ACACB: variants seen among roughly 807,000 people sequenced by gnomAD.
ACACB encodes the protein acetyl-CoA carboxylase 2.
ACACB carries 209 observed loss-of-function variants against 278.8 expected under a neutral mutation model. The ratio of observed to expected loss-of-function variants is 0.75; its 90% CI spans 0.67 to 0.84. ACACB has a LOEUF of 0.84. Ranked by LOEUF, ACACB falls within the 40% of genes least tolerant of loss-of-function variation. The pLI is 0.00. For missense variants in ACACB, 2,850 were observed against 3,269.0 expected (o/e 0.87, Z 3.13); for synonymous variants, 1,174 against 1,285.6 (o/e 0.91, Z 1.86).
chr12:109,181,489 A>T (rs901064497), intron 11 of ACACB, among the ~76,000 whole-genome samples: 2 of 151,924 alleles, frequency 1.3e-5, no homozygotes, highest in African/African-American at 4.8e-5. Flanking sequence ...CAACTTCCCA[A>T]AGTGCTAGGA....
intron 16 of ACACB, among the ~76,000 whole-genome samples, chr12:109,195,994 T>C (rs1312473783): frequency 6.6e-6 from 1 of 152,246 alleles, no homozygotes; most frequent in Non-Finnish European, 1.5e-5. Flanking sequence ...GGCTTGCTAA[T>C]TTTGTTCTAA....
intron 41 of ACACB, among the ~76,000 whole-genome samples, chr12:109,251,329 A>G (rs994744155): frequency 6.6e-6 from 1 of 152,192 alleles, no homozygotes; most frequent in Non-Finnish European, 1.5e-5. Flanking sequence ...TGCCCTGCTC[A>G]TGTCTGCTTA....
chr12:109,261,880 C>CA lies in ACACB; in HGVS notation c.6675-462dup, dbSNP rs757106164. ...AGTGAGACCCTGTCTAAAAAAAAAACAAAAAAAAAAAAAAAGAAAGAAAAG... is the reference window on the plus strand; with the variant it reads ...AGTGAGACCCTGTCTAAAAAAAAAACAAAAAAAAAAAAAAAAGAAAGAAAAG... On this transcript the variant is annotated intron_variant, in intron 48 of 52. Coordinates refer to ENST00000338432, the MANE Select transcript of ACACB (RefSeq NM_001093.4). Among the ~76,000 whole-genome samples, 323 of 86,010 alleles carry CA rather than the reference C, an allele frequency of 3.8e-3. 2 individuals carry two copies. Among genetic ancestry groups the CA allele is most frequent in the South Asian group, 0.01 (27 of 2,604 alleles). The allele number at this position is 86,010 out of a possible 152,430, so 56.4% of individuals were successfully genotyped here.
At chr12:109,178,336 A>T (rs749056543) in intron 9 of ACACB, among the ~76,000 whole-genome samples, 1 of 152,252 alleles carries the variant, frequency 6.6e-6, no homozygotes, top group Non-Finnish European at 1.5e-5. Flanking sequence ...AACAGGATGA[A>T]GTAAGTTTGT....
At chr12:109,126,211 G>T (rs1176341589) in intron 1 of ACACB, among the ~76,000 whole-genome samples, 1 of 152,206 alleles carries the variant, frequency 6.6e-6, no homozygotes, top group African/African-American at 2.4e-5. Flanking sequence ...AGCAATTTCT[G>T]CAGGGATAAT....
At chr12:109,163,304 G>A (rs1041140397) in intron 2 of ACACB, among the ~76,000 whole-genome samples, 3 of 152,302 alleles carry the variant, frequency 2.0e-5, no homozygotes, top group East Asian at 1.9e-4. Flanking sequence ...AAACCACGCT[G>A]GAGAAGAGAA....
intron 2 of ACACB, 88 bp downstream of exon 2, chr12:109,140,146 C>G: frequency 7.2e-7 from 1 of 1,391,740 alleles, no homozygotes; most frequent in Admixed American, 2.6e-5. Flanking sequence ...CTTGATCAAG[C>G]TGTTTGCTGA....
intron 41 of ACACB, among the ~76,000 whole-genome samples, chr12:109,250,919 C>T (rs191564220): frequency 6.7e-4 from 102 of 152,298 alleles, no homozygotes; most frequent in African/African-American, 2.4e-3. Context: ...TATGCATTGG[C>T]ATGATTCCAG....
At chr12:109,174,940 T>A (rs2044237619) in intron 7 of ACACB, among the ~76,000 whole-genome samples, 1 of 152,194 alleles carries the variant, frequency 6.6e-6, no homozygotes, top group Non-Finnish European at 1.5e-5. Context: ...TATCTTTCTA[T>A]GTAAAAAATA....
intron 2 of ACACB, among the ~76,000 whole-genome samples, chr12:109,150,099 G>A (rs1260716233): frequency 1.3e-5 from 2 of 152,196 alleles, no homozygotes; most frequent in African/African-American, 2.4e-5. Context: ...AGCACCCATG[G>A]TGCGATCATG....
chr12:109,144,652 G>C (rs891451488), intron 2 of ACACB, among the ~76,000 whole-genome samples: 3 of 152,096 alleles, frequency 2.0e-5, no homozygotes, highest in Admixed American at 6.6e-5. Flanking sequence ...GCTGAGCAGA[G>C]AGGAGCTTGG....
intron 2 of ACACB, among the ~76,000 whole-genome samples, chr12:109,148,588 C>T (rs996026409): frequency 3.2e-4 from 48 of 152,254 alleles, no homozygotes; most frequent in East Asian, 9.6e-4. Context: ...AATTATTTAT[C>T]CTATTCTGCT....
At chr12:109,255,077 T>C (rs964972682) in intron 44 of ACACB, among the ~76,000 whole-genome samples, 6 of 151,812 alleles carry the variant, frequency 4.0e-5, no homozygotes, top group Admixed American at 3.9e-4. Flanking sequence ...GCCTGGCCAA[T>C]TTTACCTCTT....
intron 10 of ACACB, chr12:109,179,507 G>A: frequency 1.6e-6 from 1 of 625,234 alleles, no homozygotes; most frequent in Non-Finnish European, 2.8e-6. Flanking sequence ...TCTTTTTTGA[G>A]ACAGAGTCTC....
Position 109,223,894 on chromosome 12 carries a change from C to A in ACACB, c.3872C>A (p.Ala1291Glu), listed in dbSNP as rs1248897552. 6.2e-7 allele frequency: 1 copy of A among 1,613,978 alleles called. No homozygotes were observed. The highest frequency in any genetic ancestry group is 8.5e-7 in the Non-Finnish European group (1 of 1,179,860). Reference sequence around the variant, plus strand: ...CACGCAAACAAAGTCGTGTGCATGGCGTCCTTGGAGGTAAGCAGGAGAGGC... The same window carrying A: ...CACGCAAACAAAGTCGTGTGCATGGAGTCCTTGGAGGTAAGCAGGAGAGGC... The part of the protein sequence containing the change: ...FYHANKVVCM[A>E]SLEVYVRRGY... The change falls in exon 27 of 53, where the codon GCG becomes GAG. Residue 1291 changes from alanine (A) to glutamate (E), a missense_variant. Coordinates refer to ENST00000338432, the MANE Select transcript of ACACB (RefSeq NM_001093.4).
chr12:109,202,761 T>C (rs1214632152), intron 19 of ACACB, among the ~76,000 whole-genome samples: 2 of 152,340 alleles, frequency 1.3e-5, no homozygotes, highest in African/African-American at 4.8e-5. Flanking sequence ...AATTTAACTA[T>C]TATTGCAATA....
At chr12:109,115,162 G>C (rs945662828), upstream of ACACB, among the ~76,000 whole-genome samples, 5 of 152,184 alleles carry the variant, frequency 3.3e-5, no homozygotes, top group Non-Finnish European at 5.9e-5. Flanking sequence ...AAGCCCCTGT[G>C]CCAGAAACTC....
intron 13 of ACACB, among the ~76,000 whole-genome samples, chr12:109,191,159 C>A (rs577274711): frequency 3.9e-5 from 6 of 151,954 alleles, no homozygotes; most frequent in Non-Finnish European, 8.8e-5. Flanking sequence ...AGGCAGTAAA[C>A]CCTGGCGCTG....
At chr12:109,233,526 A>C (rs558545221) in intron 29 of ACACB, among the ~76,000 whole-genome samples, 1 of 152,364 alleles carries the variant, frequency 6.6e-6, no homozygotes, top group South Asian at 2.1e-4. Flanking sequence ...CTGATCACAG[A>C]TCACTTAGGT....
Sources: gnomAD v4.1 joint callset for allele counts (sites outside exome capture counted in the v4.1 genomes callset) on GRCh38, gnomAD v4.1.1 for gene constraint, MANE v1.5 for transcripts, NCBI Gene and HGNC (gene_info 2026-07-23, HGNC 2026-07-21) for gene names.